Variants in ARIH1 observed in about 807,000 individuals in gnomAD.
ARIH1 encodes the protein ariadne RBR E3 ubiquitin protein ligase 1.
A neutral mutation model predicts 85.0 loss-of-function variants in ARIH1; 8 were observed. That is an observed-to-expected ratio of 0.09 (90% CI 0.06 to 0.17). ARIH1 has a LOEUF of 0.17. Ranked by LOEUF, ARIH1 falls within the 10% of genes least tolerant of loss-of-function variation. The probability of loss-of-function intolerance (pLI) is 1.00; values close to 1 mark genes in which losing one functional copy is unlikely to be tolerated. For synonymous variants in ARIH1, 238 were observed against 253.6 expected (o/e 0.94, Z 0.59); for missense variants, 311 against 718.1 (o/e 0.43, Z 6.48).
chr15:72,563,248 A>G lies in ARIH1; in HGVS notation c.805-146A>G, dbSNP rs139257534. 2.9e-4 allele frequency: 179 copies of G among 614,324 alleles called. No homozygotes were observed. In the Middle Eastern group the frequency reaches 3.9e-3, roughly 13 times the overall value. 38.1% of individuals were successfully genotyped at this position (614,324 alleles called of 1,614,324 possible). A position where few individuals can be genotyped will look rare whatever the true frequency, so the allele number is the denominator to read the frequency against. On this transcript the variant is annotated intron_variant, in intron 6 of 13. Transcript: ENST00000379887. ...TTTTTCTTTTTTTTAAGGTAGAGAC[A>G]AGGTCTTGCTATGTTGCCCGGGCTG...
rs551726676 is a variant in ARIH1 at position 72,569,957 on chromosome 15, T to G, written c.1027-220T>G. 6.6e-5 allele frequency among the ~76,000 whole-genome samples: 10 copies of G among 152,280 alleles called. No homozygotes were observed. The East Asian group carries it at 1.7e-3, about 26-fold the overall frequency. ...CTGTTTCTAAGTTTAAAAAAACAAG[T>G]CCTTAAATTGTTGTATGTCTTAAAA... On this transcript the variant is annotated intron_variant, in intron 9 of 13. Coordinates refer to ENST00000379887, the MANE Select transcript of ARIH1 (RefSeq NM_005744.5).
intron 3 of ARIH1, among the ~76,000 whole-genome samples, chr15:72,548,007 G>C (rs746758685): frequency 6.6e-6 from 1 of 152,232 alleles, no homozygotes; most frequent in Non-Finnish European, 1.5e-5. Context: ...TGTAACTGAT[G>C]ATGGAGAAAC....
intron 11 of ARIH1, among the ~76,000 whole-genome samples, chr15:72,580,150 A>G (rs1035786506): frequency 6.6e-6 from 1 of 152,026 alleles, no homozygotes; most frequent in African/African-American, 2.4e-5. Flanking sequence ...TGTGAGTTCA[A>G]CTTTTTTAGT....
At chr15:72,543,509 T>C (rs1054699127) in intron 2 of ARIH1, among the ~76,000 whole-genome samples, 1 of 152,208 alleles carries the variant, frequency 6.6e-6, no homozygotes, top group African/African-American at 2.4e-5. Context: ...CGATTGATAA[T>C]ATGATTATTT....
intron 2 of ARIH1, among the ~76,000 whole-genome samples, chr15:72,534,001 G>C (rs1290333657): frequency 6.6e-6 from 1 of 152,004 alleles, no homozygotes; most frequent in Non-Finnish European, 1.5e-5. Context: ...TATTACACTA[G>C]ATAGATAATT....
intron 2 of ARIH1, among the ~76,000 whole-genome samples, chr15:72,539,452 G>GAAAA (rs34405871): frequency 6.9e-6 from 1 of 145,008 alleles, no homozygotes; most frequent in Non-Finnish European, 1.5e-5. Context: ...TGACAGAACA[G>GAAAA]AAAAAAAAAA....
intron 1 of ARIH1, among the ~76,000 whole-genome samples, chr15:72,492,549 G>T (rs2063863613): frequency 6.6e-6 from 1 of 152,210 alleles, no homozygotes; most frequent in Non-Finnish European, 1.5e-5. Flanking sequence ...AACTTAGGGA[G>T]TGGGCCTCAA....
intron 11 of ARIH1, 40 bp downstream of exon 11, chr15:72,572,205 G>A: frequency 7.4e-7 from 1 of 1,349,724 alleles, no homozygotes; most frequent in Non-Finnish European, 1.0e-6. Context: ...GACTAAGAAT[G>A]CACGTTGTAT....
chr15:72,536,630 T>C (rs2064083171), intron 2 of ARIH1, among the ~76,000 whole-genome samples: 1 of 152,174 alleles, frequency 6.6e-6, no homozygotes, highest in Non-Finnish European at 1.5e-5. Flanking sequence ...TGGCATAGTT[T>C]ATTGTAATTC....
intron 2 of ARIH1, among the ~76,000 whole-genome samples, chr15:72,528,691 C>A (rs914717636): frequency 1.3e-5 from 2 of 151,744 alleles, no homozygotes; most frequent in African/African-American, 4.8e-5. Context: ...CCCATCTCTA[C>A]AAAAAAATAA....
intron 1 of ARIH1, among the ~76,000 whole-genome samples, chr15:72,507,261 T>A (rs1595855886): frequency 6.6e-6 from 1 of 152,132 alleles, no homozygotes; most frequent in Non-Finnish European, 1.5e-5. Context: ...TGACCTCAAG[T>A]GATCCGCCTG....
chr15:72,525,932 C>T (rs1455042774), intron 2 of ARIH1, among the ~76,000 whole-genome samples: 3 of 152,062 alleles, frequency 2.0e-5, no homozygotes, highest in African/African-American at 4.8e-5. Flanking sequence ...TGAGCCACCA[C>T]GTTCAATCTC....
At position 72,582,001 on chromosome 15, in the gene ARIH1, T is replaced by G; in HGVS notation, c.1477-74T>G. The stretch of plus-strand genomic sequence containing the variant: ...AATGAGTGTTGAGAGCAGTCTGTAG[T>G]CAACAAAACAGTGAAAATGGTTTAT... On this transcript the variant is annotated intron_variant, in intron 12 of 13. Coordinates refer to ENST00000379887, the MANE Select transcript of ARIH1 (RefSeq NM_005744.5). This position sits in a 1 kb window ranked among gnomAD's most constrained non-coding sequence, Gnocchi z 4.6. 9.8e-7 allele frequency: 1 copy of G among 1,021,212 alleles called. No homozygotes were observed. Among genetic ancestry groups the G allele is most frequent in the Non-Finnish European group, 1.5e-6 (1 of 664,512 alleles). The allele number at this position is 1,021,212 out of a possible 1,614,324, so 63.3% of individuals were successfully genotyped here. A position where few individuals can be genotyped will look rare whatever the true frequency, so the allele number is the denominator to read the frequency against.
At chr15:72,507,045 C>T (rs1427228510) in intron 1 of ARIH1, among the ~76,000 whole-genome samples, 6 of 151,848 alleles carry the variant, frequency 4.0e-5, no homozygotes, top group East Asian at 1.9e-4. Context: ...TTTTTTGAAA[C>T]GCAGTCGTGC....
intron 11 of ARIH1, among the ~76,000 whole-genome samples, chr15:72,577,082 A>T (rs1025708806): frequency 4.6e-5 from 7 of 151,634 alleles, no homozygotes; most frequent in African/African-American, 1.7e-4. Context: ...TCCCGAATTC[A>T]AGCGATTCTC....
chr15:72,576,474 C>G (rs576067569), intron 11 of ARIH1, among the ~76,000 whole-genome samples: 1 of 134,828 alleles, frequency 7.4e-6, no homozygotes, highest in Non-Finnish European at 1.5e-5. Flanking sequence ...CCACTGCACT[C>G]CAGCCTGGGT....
chr15:72,503,682 T>TA (rs2063912694), intron 1 of ARIH1, among the ~76,000 whole-genome samples: 1 of 152,264 alleles, frequency 6.6e-6, no homozygotes, highest in Non-Finnish European at 1.5e-5. Context: ...ATGCTACTCT[T>TA]ACATTTAGTA....
chr15:72,532,525 T>C (rs556228684), intron 2 of ARIH1, among the ~76,000 whole-genome samples: 2 of 152,308 alleles, frequency 1.3e-5, no homozygotes, highest in Non-Finnish European at 2.9e-5. Context: ...TTCAACCTTA[T>C]TCTAAAGAAC....
chr15:72,562,398 C>G (rs982366524), intron 6 of ARIH1, among the ~76,000 whole-genome samples: 4 of 152,102 alleles, frequency 2.6e-5, no homozygotes, highest in Non-Finnish European at 4.4e-5. Context: ...GTAACTTGGT[C>G]TTTTAATTCT....
Sources: gnomAD v4.1 joint callset for allele counts (sites outside exome capture counted in the v4.1 genomes callset) on GRCh38, gnomAD v4.1.1 for gene constraint, Gnocchi (gnomAD v3.1) non-coding constraint, MANE v1.5 for transcripts, NCBI Gene and HGNC (gene_info 2026-07-23, HGNC 2026-07-21) for gene names.